The following SRGAP3 variants were observed in gnomAD, a reference collection of about 807,000 sequenced individuals.
The protein encoded by SRGAP3 is SLIT-ROBO Rho GTPase-activating protein 3.
A neutral mutation model predicts 121.1 loss-of-function variants in SRGAP3; 39 were observed. The ratio of observed to expected loss-of-function variants is 0.32; its 90% CI spans 0.25 to 0.42. The LOEUF (loss-of-function observed/expected upper bound fraction) is 0.42, where lower values mean the gene tolerates loss of function less well. Ranked by LOEUF, SRGAP3 falls within the 10% of genes least tolerant of loss-of-function variation. The pLI, the probability that SRGAP3 is intolerant of heterozygous loss-of-function variation, is 1.00. For missense variants in SRGAP3, 1,213 were observed against 1,470.6 expected (o/e 0.82, Z 2.86); for synonymous variants, 601 against 570.0 (o/e 1.05, Z -0.77).
rs867973691 is a variant in SRGAP3 at position 8,982,338 on chromosome 3, G to A, written c.*3181C>T. On this transcript the variant is annotated 3_prime_UTR_variant, in exon 22 of 22. Coordinates refer to ENST00000383836, the MANE Select transcript of SRGAP3 (RefSeq NM_014850.4). The stretch of plus-strand genomic sequence containing the variant: ...ACTGATCAGTACGGCTTTCAATAAT[G>A]GTGATGAACAAGTAGGTAAACACCA... 8.9e-6 allele frequency: 2 copies of A among 225,866 alleles called. No homozygotes were observed. The highest frequency in any genetic ancestry group is 1.8e-5 in the Non-Finnish European group (2 of 113,202). 14.0% of individuals were successfully genotyped at this position (225,866 alleles called of 1,614,324 possible). A position where few individuals can be genotyped will look rare whatever the true frequency, so the allele number is the denominator to read the frequency against.
At chr3:9,324,570 G>A (rs888741459) in intron 3 of SRGAP3, among the ~76,000 whole-genome samples, 2 of 151,952 alleles carry the variant, frequency 1.3e-5, no homozygotes, top group South Asian at 2.1e-4. Context: ...CATTTAACAC[G>A]AGTGACTTCA....
intron 1 of SRGAP3, among the ~76,000 whole-genome samples, chr3:9,346,753 C>CT (rs142138773): frequency 1.8e-3 from 229 of 130,522 alleles, no homozygotes; most frequent in East Asian, 9.9e-3. Context: ...GCAATTTTTT[C>CT]TTTTTTTTTT....
intron 1 of SRGAP3, among the ~76,000 whole-genome samples, chr3:9,356,673 A>G (rs1236960200): frequency 6.6e-6 from 1 of 151,744 alleles, no homozygotes; most frequent in Non-Finnish European, 1.5e-5. Flanking sequence ...ACGCTCAGCC[A>G]ATTTTTGTAT....
chr3:9,177,326 G>A (rs770363538), intron 1 of SRGAP3, among the ~76,000 whole-genome samples: 6 of 152,286 alleles, frequency 3.9e-5, no homozygotes, highest in Middle Eastern at 3.4e-3. Flanking sequence ...AGAGGTTTAC[G>A]GTGCAATTTG....
intron 1 of SRGAP3, among the ~76,000 whole-genome samples, chr3:9,208,266 C>T (rs529026538): frequency 1.3e-5 from 2 of 152,068 alleles, no homozygotes; most frequent in Non-Finnish European, 2.9e-5. Flanking sequence ...GCCAACCCCC[C>T]TACAGCATCT....
chr3:9,287,439 G>A (rs1954795235), intron 3 of SRGAP3, among the ~76,000 whole-genome samples: 1 of 152,156 alleles, frequency 6.6e-6, no homozygotes, highest in Non-Finnish European at 1.5e-5. Context: ...ACTTCCTGGT[G>A]AATAATATTT....
At chr3:9,240,719 T>C (rs147855122) in intron 1 of SRGAP3, among the ~76,000 whole-genome samples, 3 of 152,146 alleles carry the variant, frequency 2.0e-5, no homozygotes, top group Non-Finnish European at 4.4e-5. Context: ...GAAAAACAAA[T>C]AGAGTTGGAC....
chr3:9,002,140 T>TG (rs1381492881), intron 18 of SRGAP3, among the ~76,000 whole-genome samples: 2 of 152,204 alleles, frequency 1.3e-5, no homozygotes, highest in Non-Finnish European at 2.9e-5. Context: ...AACGTTCTCT[T>TG]GGGTATGCCC....
At chr3:9,052,914 G>C in intron 9 of SRGAP3, 113 bp downstream of exon 9, 1 of 1,272,904 alleles carries the variant, frequency 7.9e-7, no homozygotes, top group South Asian at 1.2e-5. Context: ...TGGAGTCTTA[G>C]ATCCAATTGA....
intron 1 of SRGAP3, among the ~76,000 whole-genome samples, chr3:9,237,912 G>A (rs1196285395): frequency 6.6e-6 from 1 of 152,216 alleles, no homozygotes; most frequent in Non-Finnish European, 1.5e-5. Flanking sequence ...TAGACTATGG[G>A]ACAAGAAAAG....
At chr3:9,097,203 C>A (rs1052796749) in intron 3 of SRGAP3, among the ~76,000 whole-genome samples, 4 of 151,688 alleles carry the variant, frequency 2.6e-5, no homozygotes, top group Non-Finnish European at 2.9e-5. Flanking sequence ...GCTGCCCAAG[C>A]TGGTCTCAAG....
intron 3 of SRGAP3, among the ~76,000 whole-genome samples, chr3:9,274,051 C>T (rs1954528088): frequency 6.6e-6 from 1 of 152,174 alleles, no homozygotes; most frequent in Non-Finnish European, 1.5e-5. Flanking sequence ...TCTGTTTCCA[C>T]ACCTGCTCTC....
intron 1 of SRGAP3, among the ~76,000 whole-genome samples, chr3:9,152,220 C>T (rs1292260593): frequency 2.0e-5 from 3 of 152,218 alleles, no homozygotes; most frequent in Admixed American, 6.5e-5. Context: ...TCCACATGTG[C>T]CTGACTTGGC....
chr3:9,246,123 C>T (rs1459673960), intron 1 of SRGAP3, among the ~76,000 whole-genome samples: 1 of 152,144 alleles, frequency 6.6e-6, no homozygotes, highest in African/African-American at 2.4e-5. Context: ...AGAAAAAATA[C>T]TGTTCTAAAA....
chr3:9,052,531 G>A (rs544032585), intron 9 of SRGAP3, among the ~76,000 whole-genome samples: 13 of 152,198 alleles, frequency 8.5e-5, no homozygotes, highest in South Asian at 2.1e-4. Flanking sequence ...CCCAGTCCCC[G>A]TCTCCTTTCT....
At chr3:9,084,036 A>G (rs1947351034) in intron 3 of SRGAP3, among the ~76,000 whole-genome samples, 1 of 152,140 alleles carries the variant, frequency 6.6e-6, no homozygotes, top group Admixed American at 6.5e-5. Flanking sequence ...ATTTTGGTCA[A>G]TGCGATAGTA....
intron 3 of SRGAP3, among the ~76,000 whole-genome samples, chr3:9,271,617 T>C (rs565160228): frequency 6.6e-6 from 1 of 152,146 alleles, no homozygotes; most frequent in East Asian, 1.9e-4. Context: ...AGGTGTCTCA[T>C]AAACCTGTGC....
rs773311751 is a variant in SRGAP3 at position 9,124,929 on chromosome 3, C to T, written c.68-12G>A. 3 of 1,613,822 alleles carry T rather than the reference C, an allele frequency of 1.9e-6. No homozygotes were observed. Among genetic ancestry groups the T allele is most frequent in the Non-Finnish European group, 2.5e-6 (3 of 1,180,026 alleles). On this transcript the variant is annotated splice_polypyrimidine_tract_variant and intron_variant, in intron 1 of 21. Coordinates refer to ENST00000383836, the MANE Select transcript of SRGAP3 (RefSeq NM_014850.4). The stretch of plus-strand genomic sequence containing the variant: ...CTGCGTGCGGATCTCTGCGGGCACA[C>T]AAGGGTAGGAGCATGAGACTGGTGG...
intron 1 of SRGAP3, among the ~76,000 whole-genome samples, chr3:9,182,191 A>C (rs1951433073): frequency 6.6e-6 from 1 of 150,824 alleles, no homozygotes; most frequent in Non-Finnish European, 1.5e-5. Flanking sequence ...AAAAAAAAAA[A>C]AAAAAAAAAA....
Sources: gnomAD v4.1 joint callset for allele counts (sites outside exome capture counted in the v4.1 genomes callset) on GRCh38, gnomAD v4.1.1 for gene constraint, MANE v1.5 for transcripts, NCBI Gene and HGNC (gene_info 2026-07-23, HGNC 2026-07-21) for gene names.